Variants in MICB observed in about 807,000 individuals in gnomAD.
MICB encodes the protein MHC class I polypeptide-related sequence B.
A neutral mutation model predicts 34.3 loss-of-function variants in MICB; 27 were observed. The observed-to-expected ratio is 0.79, with a 90% CI of 0.58 to 1.08. The LOEUF (loss-of-function observed/expected upper bound fraction) is 1.08. MICB is among the 50% of genes least tolerant of loss of function. MICB has a pLI of 0.00. For synonymous variants in MICB, 153 were observed against 187.4 expected, an observed-to-expected ratio of 0.82 and a Z score of 1.50; for missense variants, 426 against 483.1, an observed-to-expected ratio of 0.88 and a Z score of 1.11.
At position 31,498,152 on chromosome 6, in the gene MICB, T is replaced by C. The variant is rs767295739; in HGVS notation, c.-42T>C. ...GGTCTTCTCACGGGTTTCATTCAGTTGGCCACTGCTGAGCAGCTGAGAAGG... is the reference window on the plus strand; with the variant it reads ...GGTCTTCTCACGGGTTTCATTCAGTCGGCCACTGCTGAGCAGCTGAGAAGG... On this transcript the variant is annotated 5_prime_UTR_variant, in exon 1 of 6. Coordinates refer to ENST00000252229, the MANE Select transcript of MICB (RefSeq NM_005931.5). 8 of 1,525,016 alleles carry C rather than the reference T, an allele frequency of 5.2e-6. No homozygotes were observed. The highest frequency in any genetic ancestry group is 7.1e-6 in the Non-Finnish European group (8 of 1,121,828). The allele number at this position is 1,525,016 out of a possible 1,614,324, so 94.5% of individuals were successfully genotyped here. A position where few individuals can be genotyped will look rare whatever the true frequency, so the allele number is the denominator to read the frequency against.
chr6:31,510,289 T>G lies in MICB; in HGVS notation c.*380T>G. ...TTTGAGGAATGCAGTCTTACAAGCC[T>G]ACTCTGGACCCAGCAGCTGACTCCT... On this transcript the variant is annotated 3_prime_UTR_variant, in exon 6 of 6. Transcript: ENST00000252229. 1 of 163,924 alleles carries G rather than the reference T, an allele frequency of 6.1e-6. No homozygotes were observed. Among genetic ancestry groups the G allele is most frequent in the Non-Finnish European group, 1.3e-5 (1 of 76,238 alleles). The allele number at this position is 163,924 out of a possible 1,614,324, so 10.2% of individuals were successfully genotyped here.
rs371069553 is a variant in MICB, at chr6:31,505,825, G to A, written c.279G>A (p.Gly93=). Residue 93 remains glycine (G), a synonymous_variant, in exon 2 of 6, where the codon GGG becomes GGA. Coordinates refer to ENST00000252229, the MANE Select transcript of MICB (RefSeq NM_005931.5). ...DTETEDLTEN[G]QDLRRTLTHI... is the part of the protein sequence containing the mutation. The stretch of plus-strand genomic sequence containing the variant: ...AGACCGAGGACTTGACAGAGAATGG[G>A]CAAGACCTCAGGAGGACCCTGACTC... 68 of 1,612,668 alleles carry A rather than the reference G, an allele frequency of 4.2e-5. No individual in the cohort carries two copies. Among genetic ancestry groups the A allele is most frequent in the African/African-American group, 2.7e-4 (20 of 75,040 alleles).
In MICB at chr6:31,510,060, T is replaced by C; in HGVS notation, c.*151T>C. 1.2e-6 allele frequency: 1 copy of C among 828,750 alleles called. No homozygotes were observed. Among genetic ancestry groups the C allele is most frequent in the Non-Finnish European group, 1.7e-6 (1 of 576,320 alleles). 51.3% of individuals were successfully genotyped at this position (828,750 alleles called of 1,614,324 possible). On this transcript the variant is annotated 3_prime_UTR_variant, in exon 6 of 6. Transcript: ENST00000252229. ...GTGTTAGTAGGTATGAGGTGTTTGC[T>C]GCTCTGCCACGTAGAGAGCCAGCAA...
At position 31,507,050 on chromosome 6, in the gene MICB, C is replaced by T. The variant is rs767424499; in HGVS notation, c.642C>T (p.Ser214=). ...TVPPMVNVTC[S]EVSEGNITVT... is the part of the protein sequence containing the mutation. ...CCCCCATGGTGAATGTCACCTGCAG[C>T]GAGGTCTCAGAGGGCAACATCACCG... Residue 214 remains serine (S), a synonymous_variant, in exon 4 of 6, where the codon AGC becomes AGT. Transcript: ENST00000252229. This position sits in a 1 kb window ranked among gnomAD's most constrained non-coding sequence, Gnocchi z 6.0. 7.4e-6 allele frequency: 12 copies of T among 1,613,672 alleles called. No homozygotes were observed. Among genetic ancestry groups the T allele is most frequent in the Admixed American group, 1.7e-5 (1 of 59,996 alleles).
intron 1 of MICB, among the ~76,000 whole-genome samples, chr6:31,503,516 A>G (rs1450213315): frequency 3.3e-5 from 5 of 152,092 alleles, no homozygotes; most frequent in South Asian, 2.1e-4. Flanking sequence ...TATGAATTTG[A>G]CCACTCTAGG....
intron 1 of MICB, 33 bp downstream of exon 1, chr6:31,498,296 C>G (rs774456363): frequency 6.6e-7 from 1 of 1,505,956 alleles, no homozygotes; most frequent in Admixed American, 2.0e-5. Flanking sequence ...CCCGGCGGAG[C>G]GGGAGCGGCG....
At chr6:31,502,702 ACTT>A (rs1424630818) in intron 1 of MICB, among the ~76,000 whole-genome samples, 3 of 152,126 alleles carry the variant, frequency 2.0e-5, no homozygotes, top group African/African-American at 7.2e-5. Context: ...GGATAATTTG[ACTT>A]CTTCTTTTCC....
upstream of MICB, among the ~76,000 whole-genome samples, chr6:31,497,810 C>G (rs943613612): frequency 6.6e-6 from 1 of 152,136 alleles, no homozygotes. Context: ...GCCCGCGCTC[C>G]TTGGGGGTGG....
At chr6:31,508,503 G>A (rs1386419214) in intron 5 of MICB, among the ~76,000 whole-genome samples, 8 of 152,158 alleles carry the variant, frequency 5.3e-5, no homozygotes, top group Non-Finnish European at 1.2e-4. Context: ...ACTGTCAGTC[G>A]GCCCCTCATG....
At chr6:31,505,939 A>T (rs1289581732) in intron 2 of MICB, 68 bp downstream of exon 2, 1 of 1,517,420 alleles carries the variant, frequency 6.6e-7, no homozygotes, top group East Asian at 2.4e-5. Flanking sequence ...GAGAGCAGGG[A>T]CCTGTCTCTT....
chr6:31,499,318 C>A (rs1255828906), intron 1 of MICB, among the ~76,000 whole-genome samples: 1 of 152,046 alleles, frequency 6.6e-6, no homozygotes, highest in Non-Finnish European at 1.5e-5. Context: ...GCCCATCTTA[C>A]GGCGCCCTGG....
upstream of MICB, among the ~76,000 whole-genome samples, chr6:31,496,366 C>CTTTTTTTTTTTTT (rs3034154): frequency 7.4e-5 from 9 of 121,638 alleles, no homozygotes; most frequent in Non-Finnish European, 6.6e-5. Flanking sequence ...TCCTTTTTTT[C>CTTTTTTTTTTTTT]TTTTTTTTTT....
Position 31,505,670 on chromosome 6 carries a change from C to T in MICB, c.124C>T (p.Gln42Ter), listed in dbSNP as rs1466670101. ...LMVLSQDGSVQSGFLAEGHLD... is the reference protein window; with the variant it reads ...LMVLSQDGSV ...GGTGCTGTCCCAGGATGGATCTGTG[C>T]AGTCAGGGTTTCTCGCTGAGGGACA... is the stretch of plus-strand genomic sequence containing the variant. Residue 42 changes from glutamine (Q) to a stop codon, truncating the protein, a stop_gained, in exon 2 of 6, where the codon CAG becomes TAG. Coordinates refer to ENST00000252229, the MANE Select transcript of MICB (RefSeq NM_005931.5). LOFTEE classifies it high-confidence loss of function. 8.7e-6 allele frequency: 14 copies of T among 1,612,828 alleles called. No individual in the cohort carries two copies. Among genetic ancestry groups the T allele is most frequent in the Non-Finnish European group, 1.0e-5 (12 of 1,179,972 alleles).
rs1439566690 is a variant in MICB, at chr6:31,506,152, C to T, written c.335C>T (p.Ser112Phe). The T allele has an allele frequency of 6.2e-7, 1 of 1,613,026 alleles. No homozygotes were observed. Among genetic ancestry groups the T allele is most frequent in the African/African-American group, 1.3e-5 (1 of 74,946 alleles). Reference protein sequence around the residue: ...HIKDQKGGLHSLQEIRVCEIH... With the variant: ...HIKDQKGGLHFLQEIRVCEIH... ...TGCTGGGTGGGGGCAGGCTTGCATT[C>T]CCTCCAGGAGATTAGGGTCTGTGAG... The change falls in exon 3 of 6, where the codon TCC becomes TTC. Residue 112 changes from serine to phenylalanine, a missense_variant. Ser to Phe is a radical substitution (Grantham distance 155). Coordinates refer to ENST00000252229, the MANE Select transcript of MICB (RefSeq NM_005931.5).
At position 31,510,331 on chromosome 6, in the gene MICB, T is replaced by TAA. The variant is rs1443121005; in HGVS notation, c.*422_*423insAA. The TAA allele has an allele frequency of 6.4e-6, 1 of 156,084 alleles. No homozygotes were observed. Among genetic ancestry groups the TAA allele is most frequent in the Non-Finnish European group, 1.4e-5 (1 of 70,918 alleles). The allele number at this position is 156,084 out of a possible 1,614,324, so 9.7% of individuals were successfully genotyped here. ...CTGACTCCTTCTTCCACCCCTCTTC[T>TAA]TGCTATCTCCTATACCAATAAATAC... On this transcript the variant is annotated 3_prime_UTR_variant, in exon 6 of 6. Coordinates refer to ENST00000252229, the MANE Select transcript of MICB (RefSeq NM_005931.5).
At chr6:31,503,131 G>C (rs1765095889) in intron 1 of MICB, among the ~76,000 whole-genome samples, 1 of 152,194 alleles carries the variant, frequency 6.6e-6, no homozygotes, top group Non-Finnish European at 1.5e-5. Flanking sequence ...TGGTTTGCTA[G>C]TATTTCATTG....
rs1199980115 is a variant in MICB at position 31,511,058 on chromosome 6, T to C, written c.*1149T>C. 6.6e-6 allele frequency: 1 copy of C among 152,390 alleles called. No individual in the cohort carries two copies. Among genetic ancestry groups the C allele is most frequent in the African/African-American group, 2.4e-5 (1 of 41,592 alleles). The allele number at this position is 152,390 out of a possible 1,614,324, so 9.4% of individuals were successfully genotyped here. ...GTCCCCTCGCCCCGTCACACCGTTATGCATTACTCTGTGTCTACTATTATG... is the reference window on the plus strand; with the variant it reads ...GTCCCCTCGCCCCGTCACACCGTTACGCATTACTCTGTGTCTACTATTATG... On this transcript the variant is annotated 3_prime_UTR_variant, in exon 6 of 6. Coordinates refer to ENST00000252229, the MANE Select transcript of MICB (RefSeq NM_005931.5).
At position 31,505,868 on chromosome 6, in the gene MICB, G is replaced by A. The variant is rs748026188; in HGVS notation, c.322G>A (p.Gly108Arg). 6.9e-6 allele frequency: 11 copies of A among 1,603,080 alleles called. No homozygotes were observed. The highest frequency in any genetic ancestry group is 8.5e-6 in the Non-Finnish European group (10 of 1,174,766). Residue 108 changes from glycine (G) to arginine (R), a missense_variant, in exon 2 of 6, where the codon GGA (glycine) becomes AGA (arginine). Transcript: ENST00000252229. ...RTLTHIKDQKGGLHSLQEIRV... is the reference protein window; with the variant it reads ...RTLTHIKDQKRGLHSLQEIRV... Reference sequence around the variant, plus strand: ...CCTGACTCATATCAAGGACCAGAAAGGAGGTGAGAGTCGGCAGGGGCAAGA... The same window carrying A: ...CCTGACTCATATCAAGGACCAGAAAAGAGGTGAGAGTCGGCAGGGGCAAGA...
In MICB at chr6:31,498,211, C is replaced by G; in HGVS notation, c.18C>G (p.Val6=). The G allele has an allele frequency of 6.9e-6, 11 of 1,585,730 alleles. No homozygotes were observed. Among genetic ancestry groups the G allele is most frequent in the Non-Finnish European group, 9.4e-6 (11 of 1,164,380 alleles). Residue 6 remains valine (V), a synonymous_variant, in exon 1 of 6, where the codon GTC becomes GTG. Coordinates refer to ENST00000252229, the MANE Select transcript of MICB (RefSeq NM_005931.5). Reference sequence around the variant, plus strand: ...TAGGGGCCATGGGGCTGGGCCGGGTCCTGCTGTTTCTGGCCGTCGCCTTCC... The same window carrying G: ...TAGGGGCCATGGGGCTGGGCCGGGTGCTGCTGTTTCTGGCCGTCGCCTTCC... The part of the protein sequence containing the change: MGLGR[V]LLFLAVAFPF...
Sources: allele counts gnomAD v4.1 joint callset (sites outside exome capture counted in the v4.1 genomes callset), GRCh38; gene constraint gnomAD v4.1.1; non-coding constraint Gnocchi (gnomAD v3.1); transcripts MANE v1.5; gene names NCBI Gene and HGNC (gene_info 2026-07-23, HGNC 2026-07-21).